Variants in RAPGEF5 observed in about 807,000 individuals in gnomAD.
RAPGEF5 encodes Rap guanine nucleotide exchange factor 5.
Under a neutral mutation model 125.2 loss-of-function variants are expected in RAPGEF5, and 65 were observed. That is an observed-to-expected ratio of 0.52 (90% CI 0.43 to 0.64). RAPGEF5 has a LOEUF of 0.64. Ranked by LOEUF, RAPGEF5 falls within the 30% of genes least tolerant of loss-of-function variation. RAPGEF5 has a pLI of 0.00. For synonymous variants in RAPGEF5, 391 were observed against 385.9 expected, an observed-to-expected ratio of 1.01 and a Z score of -0.16; for missense variants, 958 against 1,048.1, an observed-to-expected ratio of 0.91 and a Z score of 1.19.
intron 7 of RAPGEF5, among the ~76,000 whole-genome samples, chr7:22,258,624 C>CAAA (rs34352575): frequency 2.1e-3 from 97 of 45,780 alleles, no homozygotes; most frequent in Non-Finnish European, 2.3e-3. Context: ...AACTCCGTCT[C>CAAA]AAAAAAAAAA....
At chr7:22,304,257 T>C (rs755675243) in intron 5 of RAPGEF5, among the ~76,000 whole-genome samples, 1 of 152,186 alleles carries the variant, frequency 6.6e-6, no homozygotes. Context: ...ATTTAGTACT[T>C]TAGAACAGAC....
rs79153935 is a variant in RAPGEF5 at position 22,211,401 on chromosome 7, T to C, written c.996+8465A>G. 5.2e-3 allele frequency among the ~76,000 whole-genome samples: 797 copies of C among 152,334 alleles called. 11 individuals carry two copies. The highest frequency in any genetic ancestry group is 0.018 in the African/African-American group (762 of 41,574). On this transcript the variant is annotated intron_variant, in intron 9 of 25. Transcript: ENST00000665637. The stretch of plus-strand genomic sequence containing the variant: ...ACAAAAGATATTCACATTATATGCA[T>C]GCACAAAATTCATTTCTACAAAAAC...
At chr7:22,277,127 T>G (rs956479960) in intron 6 of RAPGEF5, among the ~76,000 whole-genome samples, 1 of 152,210 alleles carries the variant, frequency 6.6e-6, no homozygotes, top group African/African-American at 2.4e-5. Flanking sequence ...TTTTTCAGAC[T>G]TTACTTTCAG....
intron 5 of RAPGEF5, among the ~76,000 whole-genome samples, chr7:22,293,571 T>C (rs1191598088): frequency 1.3e-5 from 2 of 152,168 alleles, no homozygotes; most frequent in Non-Finnish European, 2.9e-5. Flanking sequence ...AGGATCACCT[T>C]TCTAAAACCC....
intron 9 of RAPGEF5, among the ~76,000 whole-genome samples, chr7:22,211,677 T>C (rs1401620895): frequency 6.6e-6 from 1 of 152,198 alleles, no homozygotes. Context: ...TGACCCATTC[T>C]CCTCCTTCAA....
chr7:22,339,570 T>C (rs916672404), intron 1 of RAPGEF5, among the ~76,000 whole-genome samples: 1 of 152,126 alleles, frequency 6.6e-6, no homozygotes, highest in Non-Finnish European at 1.5e-5. Context: ...GAAGAAAAGA[T>C]ACCAGGAAAT....
chr7:22,303,860 G>C (rs1239595917), intron 5 of RAPGEF5, among the ~76,000 whole-genome samples: 1 of 152,200 alleles, frequency 6.6e-6, no homozygotes, highest in Non-Finnish European at 1.5e-5. Flanking sequence ...GTCAAGGCAG[G>C]ACTGGGGCTT....
chr7:22,139,967 A>T, intron 21 of RAPGEF5, 58 bp downstream of exon 21: 1 of 1,405,042 alleles, frequency 7.1e-7, no homozygotes, highest in Non-Finnish European at 9.8e-7. Flanking sequence ...CATTTAATCC[A>T]TGTAAATTAC....
At chr7:22,243,445 G>T (rs1301079355) in intron 7 of RAPGEF5, among the ~76,000 whole-genome samples, 2 of 151,922 alleles carry the variant, frequency 1.3e-5, no homozygotes, top group Admixed American at 6.6e-5. Context: ...TAATAGAGAT[G>T]GGGTTTCACC....
At position 22,193,835 on chromosome 7, in the gene RAPGEF5, A is replaced by T. The variant is rs1346043826; in HGVS notation, c.1115+80T>A. The T allele has an allele frequency of 2.5e-6, 4 of 1,611,942 alleles. No homozygotes were observed. The South Asian group carries it at 3.3e-5, about 13-fold the overall frequency. On this transcript the variant is annotated intron_variant, in intron 10 of 25. Transcript: ENST00000665637. ...GGGTAGAGGAGGCAGAGAGCGAGTG[A>T]GATGGAGCAAGGGAAGGGAAGGCAG...
At position 22,194,962 on chromosome 7, in the gene RAPGEF5, G is replaced by A. The variant is rs576128941; in HGVS notation, c.997-929C>T. ...TAAGCGTACGGTAGCCCGGGAGAAAGGAACTATAAGATGCATGTCCGAAAA... is the reference window on the plus strand; with the variant it reads ...TAAGCGTACGGTAGCCCGGGAGAAAAGAACTATAAGATGCATGTCCGAAAA... On this transcript the variant is annotated intron_variant, in intron 9 of 25. Transcript: ENST00000665637. 1.4e-4 allele frequency among the ~76,000 whole-genome samples: 22 copies of A among 152,334 alleles called. 1 individual carries two copies. In the South Asian group the frequency reaches 4.3e-3, roughly 30 times the overall value.
Position 22,355,967 on chromosome 7 carries a change from G to C in RAPGEF5, c.231+863C>G. The C allele has an allele frequency of 3.0e-6, 3 of 985,362 alleles. No homozygotes were observed. The South Asian group carries it at 1.4e-4, about 46-fold the overall frequency. 61.0% of individuals were successfully genotyped at this position (985,362 alleles called of 1,614,324 possible). ...TTAATAATAAATTTTTAAAAGATGA[G>C]TAGAACCCACCAAAGGTGCCGCCAA... On this transcript the variant is annotated intron_variant, in intron 1 of 25. Coordinates refer to ENST00000665637, the MANE Select transcript of RAPGEF5 (RefSeq NM_012294.5).
chr7:22,312,541 T>C (rs1345751660), intron 3 of RAPGEF5, among the ~76,000 whole-genome samples: 5 of 152,128 alleles, frequency 3.3e-5, no homozygotes, highest in Non-Finnish European at 5.9e-5. Flanking sequence ...TCTCAGGTGA[T>C]GCTGGTGACC....
intron 24 of RAPGEF5, among the ~76,000 whole-genome samples, chr7:22,128,072 T>C (rs566223432): frequency 6.6e-6 from 1 of 152,314 alleles, no homozygotes; most frequent in South Asian, 2.1e-4. Context: ...ATTTCTATCA[T>C]ATGCCATTTG....
rs1783391514 is a variant in RAPGEF5, at chr7:22,145,103, G to C, written c.2127C>G (p.Leu709=). 1 of 1,613,848 alleles carries C rather than the reference G, an allele frequency of 6.2e-7. No homozygotes were observed. Among genetic ancestry groups the C allele is most frequent in the South Asian group, 1.1e-5 (1 of 91,048 alleles). The change falls in exon 20 of 26, where the codon CTC becomes CTG. Residue 709 remains leucine (L), a synonymous_variant. Transcript: ENST00000665637. ...VQLWVATEIL[L]CSQLGKRVQL... The stretch of plus-strand genomic sequence containing the variant: ...GCACTCGCTTGCCCAGCTGGCTGCA[G>C]AGCAGAATCTCCGTGGCCACCCAAA...
intron 7 of RAPGEF5, 56 bp from the exon 8 acceptor site, chr7:22,230,975 A>G (rs986440611): frequency 1.3e-6 from 2 of 1,493,044 alleles, no homozygotes; most frequent in Non-Finnish European, 1.8e-6. Flanking sequence ...AATGCTTCAG[A>G]TAATTTTCTT....
chr7:22,133,335 A>G (rs1042782194), intron 23 of RAPGEF5, among the ~76,000 whole-genome samples: 1 of 152,170 alleles, frequency 6.6e-6, no homozygotes, highest in Non-Finnish European at 1.5e-5. Flanking sequence ...ATGCAGTTGA[A>G]TGGCAGGTGC....
chr7:22,254,380 G>A (rs1423547321), intron 7 of RAPGEF5, among the ~76,000 whole-genome samples: 4 of 151,748 alleles, frequency 2.6e-5, no homozygotes, highest in Non-Finnish European at 4.4e-5. Context: ...AGGACGAGGC[G>A]GGCGGATCAC....
At chr7:22,318,938 C>T (rs1435744598) in intron 1 of RAPGEF5, among the ~76,000 whole-genome samples, 1 of 152,186 alleles carries the variant, frequency 6.6e-6, no homozygotes, top group East Asian at 1.9e-4. Context: ...TACTGCTTTG[C>T]TTTCATGGCA....
Sources: allele counts gnomAD v4.1 joint callset (sites outside exome capture counted in the v4.1 genomes callset), GRCh38; gene constraint gnomAD v4.1.1; transcripts MANE v1.5; gene names NCBI Gene and HGNC (gene_info 2026-07-23, HGNC 2026-07-21).